MTHFSD: variants seen among roughly 807,000 people sequenced by gnomAD.
The protein encoded by MTHFSD is methenyltetrahydrofolate synthetase domain containing.
In MTHFSD, 37 loss-of-function variants were observed where a neutral mutation model predicts 31.1. That is an observed-to-expected ratio of 1.19 (90% confidence interval 0.91 to 1.56). The LOEUF is 1.56. Among genes scored for constraint, MTHFSD ranks in the 40% most tolerant of loss-of-function variants. The pLI is 0.00. For synonymous variants in MTHFSD, 221 were observed against 206.9 expected, an observed-to-expected ratio of 1.07 and a Z score of -0.59; for missense variants, 664 against 510.1, an observed-to-expected ratio of 1.30 and a Z score of -2.91.
chr16:86,545,867 C>T (rs1177286912), intron 5 of MTHFSD, among the ~76,000 whole-genome samples: 1 of 152,268 alleles, frequency 6.6e-6, no homozygotes, highest in East Asian at 1.9e-4. Context: ...ACAGACGAAG[C>T]ACCAGAAACT....
In MTHFSD at chr16:86,532,181, C is replaced by T. The variant is rs1328155871; in HGVS notation, c.982G>A (p.Glu328Lys). Residue 328 changes from glutamate (E) to lysine (K), a missense_variant, in exon 8 of 8, where the codon GAA becomes AAA. By Grantham distance (56) the Glu-to-Lys change is moderately conservative (BLOSUM62 1). Transcript: ENST00000360900. ...AGCCGCAGGGGCACGGAGCCGAGTT[C>T]CCGCAGGGCTCTCTTCAGGTCACTC... is the stretch of plus-strand genomic sequence containing the variant. ...RVSDLKRALRELGSVPLRLTW... is the reference protein window; with the variant it reads ...RVSDLKRALRKLGSVPLRLTW... The T allele has an allele frequency of 8.9e-6, 14 of 1,575,546 alleles. No homozygotes were observed. Among genetic ancestry groups the T allele is most frequent in the Middle Eastern group, 1.7e-4 (1 of 5,896 alleles).
intron 5 of MTHFSD, among the ~76,000 whole-genome samples, chr16:86,544,765 A>G (rs750678929): frequency 6.6e-6 from 1 of 152,270 alleles, no homozygotes; most frequent in South Asian, 2.1e-4. Context: ...ATGTAGGTTC[A>G]CTGTAGCACT....
chr16:86,552,327 C>T (rs541801995), intron 2 of MTHFSD, 181 bp from the exon 3 acceptor site: 3 of 1,514,380 alleles, frequency 2.0e-6, no homozygotes, highest in Admixed American at 4.2e-5. Context: ...ACTGAAAGGA[C>T]AGCACGCTCT....
chr16:86,540,957 G>C lies in MTHFSD; in HGVS notation c.681+740C>G, dbSNP rs545537616. On this transcript the variant is annotated intron_variant, in intron 7 of 7. Transcript: ENST00000360900. ...CAGGTATTCTGTGTTCATCCTTAGA[G>C]GTGATGTTGTTAATTTTCCATGCCC... 6 of 1,173,456 alleles carry C rather than the reference G, an allele frequency of 5.1e-6. No individual in the cohort carries two copies. In the East Asian group the frequency reaches 3.5e-4, roughly 69 times the overall value. 72.7% of individuals were successfully genotyped at this position (1,173,456 alleles called of 1,614,324 possible). A position where few individuals can be genotyped will look rare whatever the true frequency, so the allele number is the denominator to read the frequency against.
intron 5 of MTHFSD, among the ~76,000 whole-genome samples, chr16:86,545,925 C>A (rs947664795): frequency 1.3e-5 from 2 of 152,254 alleles, no homozygotes; most frequent in African/African-American, 4.8e-5. Flanking sequence ...CCCACATCAG[C>A]TCCAGTGGTG....
chr16:86,536,773 G>A (rs1039705025), intron 7 of MTHFSD, among the ~76,000 whole-genome samples: 3 of 152,224 alleles, frequency 2.0e-5, no homozygotes, highest in African/African-American at 7.2e-5. Context: ...TGCGAGGCCC[G>A]CGGGAGTGGC....
chr16:86,538,206 T>A (rs2143482727), intron 7 of MTHFSD, among the ~76,000 whole-genome samples: 1 of 137,292 alleles, frequency 7.3e-6, no homozygotes, highest in Admixed American at 7.5e-5. Flanking sequence ...GTCTCCAAGG[T>A]ATTCTTAACA....
chr16:86,531,929 G>A lies in MTHFSD; in HGVS notation c.*82C>T. 1 of 974,444 alleles carries A rather than the reference G, an allele frequency of 1.0e-6. No homozygotes were observed. Among genetic ancestry groups the A allele is most frequent in the South Asian group, 2.1e-5 (1 of 46,902 alleles). 60.4% of individuals were successfully genotyped at this position (974,444 alleles called of 1,614,324 possible). ...TGGCTCCGACACGTCTTGCCACGCA[G>A]GCCTCTCGAGTGCCATCGGAACCGG... On this transcript the variant is annotated 3_prime_UTR_variant, in exon 8 of 8. Coordinates refer to ENST00000360900, the MANE Select transcript of MTHFSD (RefSeq NM_001159377.2). The surrounding 1 kb of genome is among the most constrained non-coding windows in gnomAD (Gnocchi z 5.5).
At chr16:86,534,134 C>A (rs1251759205) in intron 7 of MTHFSD, among the ~76,000 whole-genome samples, 1 of 152,240 alleles carries the variant, frequency 6.6e-6, no homozygotes, top group South Asian at 2.1e-4. Flanking sequence ...TGTTCAGATA[C>A]AAAGGAAAAC....
intron 5 of MTHFSD, among the ~76,000 whole-genome samples, chr16:86,546,037 CT>C (rs2143721996): frequency 6.6e-6 from 1 of 152,350 alleles, no homozygotes; most frequent in South Asian, 2.1e-4. Flanking sequence ...CGAGAGCAGC[CT>C]GCCTCACATG....
chr16:86,538,594 G>T (rs931532908), intron 7 of MTHFSD, among the ~76,000 whole-genome samples: 1 of 152,244 alleles, frequency 6.6e-6, no homozygotes, highest in Non-Finnish European at 1.5e-5. Context: ...CTACGGCACA[G>T]AGCTGAGGCA....
chr16:86,535,464 G>A (rs966018307), intron 7 of MTHFSD: 1 of 985,386 alleles, frequency 1.0e-6, no homozygotes, highest in Non-Finnish European at 1.2e-6. Context: ...GTGCATGGCA[G>A]TGCTACTGTT....
chr16:86,543,991 G>A (rs1431107127), intron 5 of MTHFSD, among the ~76,000 whole-genome samples: 2 of 152,224 alleles, frequency 1.3e-5, no homozygotes, highest in Non-Finnish European at 2.9e-5. Context: ...CTGCTGATCT[G>A]TCACTGTCTC....
At position 86,554,514 on chromosome 16, in the gene MTHFSD, G is replaced by C. The variant is rs1208601714; in HGVS notation, c.123+131C>G. 4.0e-6 allele frequency: 3 copies of C among 746,560 alleles called. No individual in the cohort carries two copies. The East Asian group carries it at 7.6e-5, about 19-fold the overall frequency. The allele number at this position is 746,560 out of a possible 1,614,324, so 46.2% of individuals were successfully genotyped here. ...AAGGACGCCCTGGCCAAATGGCTTTGATTTCACACCACTGCTCACTGCTCG... is the reference window on the plus strand; with the variant it reads ...AAGGACGCCCTGGCCAAATGGCTTTCATTTCACACCACTGCTCACTGCTCG... On this transcript the variant is annotated intron_variant, in intron 2 of 7. Coordinates refer to ENST00000360900, the MANE Select transcript of MTHFSD (RefSeq NM_001159377.2).
chr16:86,554,983 G>C, intron 1 of MTHFSD, 186 bp downstream of exon 1: 2 of 1,333,944 alleles, frequency 1.5e-6, no homozygotes. Flanking sequence ...CATCTTTCTC[G>C]GGATTCCGGG....
At chr16:86,553,592 G>A (rs945595067) in intron 2 of MTHFSD, 1 of 154,446 alleles carries the variant, frequency 6.5e-6, no homozygotes, top group Non-Finnish European at 1.4e-5. Context: ...CCGGGCCTTA[G>A]CTGCCTCCCC....
intron 7 of MTHFSD, 123 bp from the exon 8 acceptor site, chr16:86,532,604 AG>A: frequency 1.4e-6 from 1 of 698,540 alleles, no homozygotes; most frequent in Admixed American, 3.9e-5. Flanking sequence ...AAGTGGTCTG[AG>A]CCCCAGGGAC....
chr16:86,550,057 G>C (rs896273556), intron 3 of MTHFSD, among the ~76,000 whole-genome samples: 1 of 152,182 alleles, frequency 6.6e-6, no homozygotes, highest in African/African-American at 2.4e-5. Flanking sequence ...CCAGCACTGC[G>C]GACTGTCCAG....
At chr16:86,535,922 C>G (rs1050350765) in intron 7 of MTHFSD, among the ~76,000 whole-genome samples, 5 of 152,154 alleles carry the variant, frequency 3.3e-5, no homozygotes, top group Admixed American at 2.6e-4. Flanking sequence ...CAACTCATAG[C>G]TCACTGCAGC....
Sources: gnomAD v4.1 joint callset for allele counts (sites outside exome capture counted in the v4.1 genomes callset) on GRCh38, gnomAD v4.1.1 for gene constraint, Gnocchi (gnomAD v3.1) non-coding constraint, MANE v1.5 for transcripts, NCBI Gene and HGNC (gene_info 2026-07-23, HGNC 2026-07-21) for gene names.